The following LRTM3 variants were observed in gnomAD, a reference collection of about 807,000 sequenced individuals.
LRTM3 encodes the protein leucine rich repeat transmembrane protein 3.
the LRTM3 span, chr13:102,741,938 T>A: frequency 4.5e-6 from 7 of 1,550,586 alleles, no homozygotes; most frequent in Non-Finnish European, 1.7e-6. Flanking sequence ...TTGGTGTTTT[T>A]GTTCCTTTTC....
the LRTM3 span, chr13:102,732,367 A>G: frequency 3.9e-6 from 6 of 1,551,352 alleles, no homozygotes; most frequent in South Asian, 7.1e-5. Flanking sequence ...GCCCCGTGAT[A>G]TTAAGCATCT....
At chr13:102,743,486 T>C in the LRTM3 span, 1 of 1,548,706 alleles carries the variant, frequency 6.5e-7, no homozygotes, top group East Asian at 2.4e-5. Flanking sequence ...TTTATGTATC[T>C]GTGAAATTGG....
chr13:102,730,509 T>C, the LRTM3 span: 10 of 1,551,676 alleles, frequency 6.4e-6, no homozygotes, highest in Admixed American at 2.0e-5. Flanking sequence ...TGATATTGTT[T>C]GTTTTTTTCT....
the LRTM3 span, chr13:102,745,841 A>C: frequency 6.4e-7 from 1 of 1,551,178 alleles, no homozygotes; most frequent in Non-Finnish European, 8.7e-7. Context: ...AAATTGATCC[A>C]GTGTAGGGCA....
the LRTM3 span, chr13:102,739,017 T>C: frequency 6.4e-7 from 1 of 1,550,534 alleles, no homozygotes; most frequent in Non-Finnish European, 8.7e-7. Flanking sequence ...TTTTCCATTG[T>C]ATCTGATAAT....
chr13:102,742,181 T>G, the LRTM3 span: 2 of 1,550,580 alleles, frequency 1.3e-6, no homozygotes, highest in African/African-American at 2.7e-5. Context: ...TTTACTCAGC[T>G]GGAATGACTT....
chr13:102,744,883 C>G, the LRTM3 span: 1 of 1,550,668 alleles, frequency 6.4e-7, no homozygotes, highest in Non-Finnish European at 8.7e-7. Context: ...TAAACTCTGC[C>G]TTTTCCCCTT....
chr13:102,739,705 A>G, the LRTM3 span: 2 of 1,549,944 alleles, frequency 1.3e-6, no homozygotes, highest in Non-Finnish European at 1.7e-6. Context: ...CTTTTACTCT[A>G]TCATTCTTTC....
At chr13:102,749,579 A>G in the LRTM3 span, 1,817 of 1,551,400 alleles carry the variant, frequency 1.2e-3, 3 homozygotes, top group Non-Finnish European at 1.4e-3. Flanking sequence ...AATTGATGGA[A>G]CTTCAACAAA....
chr13:102,740,012 TGTTCTACG>T, the LRTM3 span: 1 of 1,550,430 alleles, frequency 6.4e-7, no homozygotes, highest in Non-Finnish European at 8.7e-7. Flanking sequence ...CCTAATAACT[TGTTCTACG>T]CTATCCTTCT....
the LRTM3 span, chr13:102,743,190 TTAC>T: frequency 6.4e-7 from 1 of 1,550,692 alleles, no homozygotes; most frequent in South Asian, 1.2e-5. Context: ...TTTGCTCCCT[TTAC>T]CAAGTTGGAA....
At chr13:102,737,297 C>T in the LRTM3 span, 1 of 1,551,012 alleles carries the variant, frequency 6.4e-7, no homozygotes, top group African/African-American at 1.4e-5. Flanking sequence ...TTTCTGCTGC[C>T]TTAGTTGCAA....
At chr13:102,744,815 G>C in the LRTM3 span, 1 of 1,549,324 alleles carries the variant, frequency 6.5e-7, no homozygotes, top group South Asian at 1.2e-5. Flanking sequence ...GGCCTTCTGT[G>C]CCTCCCCACC....
At chr13:102,729,403 A>G in the LRTM3 span, 1 of 1,356,500 alleles carries the variant, frequency 7.4e-7, no homozygotes, top group Non-Finnish European at 9.6e-7. Context: ...ACAGAATATC[A>G]CAATAGCGAC....
chr13:102,733,347 T>C, the LRTM3 span: 1 of 1,551,386 alleles, frequency 6.4e-7, no homozygotes, highest in Non-Finnish European at 8.7e-7. Context: ...CCATCTTCCT[T>C]TGGCTTATCA....
the LRTM3 span, chr13:102,742,255 G>C: frequency 6.5e-7 from 1 of 1,550,366 alleles, no homozygotes. Context: ...CAAGCAGCTG[G>C]GAAACTGTTA....
the LRTM3 span, chr13:102,741,284 T>G: frequency 6.5e-7 from 1 of 1,550,190 alleles, no homozygotes; most frequent in East Asian, 2.4e-5. Context: ...AACATTTTCT[T>G]TTCTTGCTGT....
the LRTM3 span, chr13:102,739,704 T>C: frequency 6.5e-7 from 1 of 1,550,044 alleles, no homozygotes; most frequent in Non-Finnish European, 8.7e-7. Flanking sequence ...GCTTTTACTC[T>C]ATCATTCTTT....
the LRTM3 span, chr13:102,733,648 C>G: frequency 3.9e-5 from 61 of 1,551,172 alleles, no homozygotes; most frequent in African/African-American, 5.5e-5. Context: ...CAGGCTGAGC[C>G]TTTTTCCCTG....
Sources: gnomAD v4.1 joint callset for allele counts on GRCh38, gnomAD v4.1.1 for gene constraint, MANE v1.5 for transcripts, NCBI Gene and HGNC (gene_info 2026-07-23, HGNC 2026-07-21) for gene names.